Variants in B3GALNT2 observed in about 807,000 individuals in gnomAD.
The protein encoded by B3GALNT2 is UDP-GalNAc:beta-1,3-N-acetylgalactosaminyltransferase 2.
B3GALNT2 carries 53 observed loss-of-function variants against 61.1 expected under a neutral mutation model. The ratio of observed to expected loss-of-function variants is 0.87; its 90% CI spans 0.70 to 1.09. B3GALNT2 has a LOEUF of 1.09. Ranked by LOEUF, B3GALNT2 falls within the 50% of genes least tolerant of loss-of-function variation. B3GALNT2 has a pLI of 0.00. For synonymous variants in B3GALNT2, 223 were observed against 237.4 expected, an observed-to-expected ratio of 0.94 and a Z score of 0.56; for missense variants, 544 against 623.0, an observed-to-expected ratio of 0.87 and a Z score of 1.35.
chr1:235,454,430 G>T, intron 9 of B3GALNT2, 115 bp from the exon 10 acceptor site: 2 of 1,075,072 alleles, frequency 1.9e-6, no homozygotes, highest in Non-Finnish European at 2.6e-6. Context: ...AGTGAGGAAA[G>T]AAAATAAGAA....
chr1:235,453,256 GTTA>G (rs1572481023), intron 10 of B3GALNT2, 110 bp from the exon 11 acceptor site: 2 of 1,107,570 alleles, frequency 1.8e-6, no homozygotes, highest in Middle Eastern at 2.1e-4. Context: ...TTTTTGCTCT[GTTA>G]TTATTCTAAT....
At chr1:235,498,920 C>G (rs1033535894) in intron 1 of B3GALNT2, among the ~76,000 whole-genome samples, 4 of 145,098 alleles carry the variant, frequency 2.8e-5, no homozygotes, top group Admixed American at 7.2e-5. Flanking sequence ...TTGGTACAGT[C>G]TTCTGCAGGG....
chr1:235,439,974 GTA>G, the B3GALNT2 span, among the ~76,000 whole-genome samples: 2 of 149,238 alleles, frequency 1.3e-5, no homozygotes, highest in African/African-American at 2.5e-5. Context: ...GCTAATTTTT[GTA>G]TATTTATTTT....
In B3GALNT2 at chr1:235,484,473, G is replaced by T; in HGVS notation, c.404C>A (p.Thr135Asn). The change falls in exon 4 of 12, where the codon ACT becomes AAT. Residue 135 changes from threonine (T) to asparagine (N), a missense_variant. Transcript: ENST00000366600. ...EIEAFSLSED[T>N]SSGLPEDRVV... ...TCGATCCTCAGGCAGCCCCGATGAA[G>T]TGTCTTCGGACAGACTGAACGCTTC... 6.2e-7 allele frequency: 1 copy of T among 1,614,168 alleles called. No individual in the cohort carries two copies. Among genetic ancestry groups the T allele is most frequent in the Non-Finnish European group, 8.5e-7 (1 of 1,180,026 alleles).
rs1383483872 is a variant in B3GALNT2 at position 235,453,103 on chromosome 1, G to A, written c.1355C>T (p.Pro452Leu). ...CCAAAGACTTACCTGGTATCTTTTA[G>A]GTCCTATGGCAGCCATCCAGATGCC... ...SMGIWMAAIG[P>L]KRYQDSLWLC... Residue 452 changes from proline (P) to leucine (L), a missense_variant, in exon 11 of 12, where the codon CCT (proline) becomes CTT (leucine). Coordinates refer to ENST00000366600, the MANE Select transcript of B3GALNT2 (RefSeq NM_152490.5). 1 of 1,612,242 alleles carries A rather than the reference G, an allele frequency of 6.2e-7. No individual in the cohort carries two copies. The highest frequency in any genetic ancestry group is 8.5e-7 in the Non-Finnish European group (1 of 1,178,470).
At chr1:235,440,403 T>G in the B3GALNT2 span, among the ~76,000 whole-genome samples, 1 of 151,656 alleles carries the variant, frequency 6.6e-6, no homozygotes, top group Non-Finnish European at 1.5e-5. Context: ...TATATATATA[T>G]TTTTTTGAGA....
At chr1:235,472,278 C>T (rs1684041336) in intron 5 of B3GALNT2, among the ~76,000 whole-genome samples, 1 of 152,140 alleles carries the variant, frequency 6.6e-6, no homozygotes, top group Admixed American at 6.6e-5. Flanking sequence ...AAATTCTGAG[C>T]TGAGAGAGCT....
chr1:235,474,016 T>C (rs1456505507), intron 5 of B3GALNT2, among the ~76,000 whole-genome samples: 1 of 152,150 alleles, frequency 6.6e-6, no homozygotes, highest in African/African-American at 2.4e-5. Context: ...AATTCCCTAG[T>C]CCTCCCAAAT....
intron 2 of B3GALNT2, among the ~76,000 whole-genome samples, chr1:235,490,721 T>TA (rs1685022119): frequency 6.6e-6 from 1 of 151,868 alleles, no homozygotes; most frequent in Admixed American, 6.6e-5. Flanking sequence ...TTAAATTATA[T>TA]AATCTTATAA....
chr1:235,454,976 C>CT (rs1553342902), intron 9 of B3GALNT2, among the ~76,000 whole-genome samples: 1 of 152,122 alleles, frequency 6.6e-6, no homozygotes, highest in African/African-American at 2.4e-5. Flanking sequence ...CAAACGTACT[C>CT]TAACAAAATA....
chr1:235,465,440 G>A lies in B3GALNT2; in HGVS notation c.841+196C>T, dbSNP rs1252638806. 7 of 805,324 alleles carry A rather than the reference G, an allele frequency of 8.7e-6. No homozygotes were observed. The East Asian group carries it at 1.8e-4, about 20-fold the overall frequency. 49.9% of individuals were successfully genotyped at this position (805,324 alleles called of 1,614,324 possible). On this transcript the variant is annotated intron_variant, in intron 7 of 11. Coordinates refer to ENST00000366600, the MANE Select transcript of B3GALNT2 (RefSeq NM_152490.5). ...TGAGGAGTAACTGCTAATGGGTGTGGGGTTTCCTTTTGGGAGGTGGAGCCG... is the reference window on the plus strand; with the variant it reads ...TGAGGAGTAACTGCTAATGGGTGTGAGGTTTCCTTTTGGGAGGTGGAGCCG...
Position 235,494,819 on chromosome 1 carries a change from G to A in B3GALNT2, c.122C>T (p.Ala41Val). 6.2e-7 allele frequency: 1 copy of A among 1,605,940 alleles called. No individual in the cohort carries two copies. The highest frequency in any genetic ancestry group is 8.5e-7 in the Non-Finnish European group (1 of 1,173,780). Residue 41 changes from alanine to valine, a missense_variant, in exon 2 of 12, where the codon GCC (alanine) becomes GTC (valine). Coordinates refer to ENST00000366600, the MANE Select transcript of B3GALNT2 (RefSeq NM_152490.5). Reference sequence around the variant, plus strand: ...AGTAGATTTCCACTGAGGAAATAAGGCCAACTGATCTAGAAATAAGAACAA... The same window carrying A: ...AGTAGATTTCCACTGAGGAAATAAGACCAACTGATCTAGAAATAAGAACAA... Reference protein sequence around the residue: ...ASGAGPADQLALFPQWKSTHY... With the variant: ...ASGAGPADQLVLFPQWKSTHY...
At chr1:235,482,565 A>G (rs1455829297) in intron 4 of B3GALNT2, among the ~76,000 whole-genome samples, 2 of 152,068 alleles carry the variant, frequency 1.3e-5, no homozygotes, top group East Asian at 3.9e-4. Context: ...CAAGTGAGAC[A>G]ATGTTTAGTC....
chr1:235,466,974 G>C (rs1025580341), intron 6 of B3GALNT2, among the ~76,000 whole-genome samples: 59 of 152,254 alleles, frequency 3.9e-4, no homozygotes, highest in African/African-American at 1.4e-3. Context: ...TCTTTTCAGA[G>C]TTGTACTGTA....
At chr1:235,484,561 T>C in intron 3 of B3GALNT2, 46 bp from the exon 4 acceptor site, 2 of 1,548,630 alleles carry the variant, frequency 1.3e-6, no homozygotes, top group Non-Finnish European at 1.7e-6. Context: ...ATGTAATCCT[T>C]TGTTTTACTA....
intron 5 of B3GALNT2, among the ~76,000 whole-genome samples, chr1:235,474,971 A>ATTTTTTTTTTTTTTTTTTTT (rs1558425250): frequency 6.6e-5 from 2 of 30,120 alleles, no homozygotes; most frequent in African/African-American, 2.0e-4. Context: ...ATATATATAT[A>ATTTTTTTTTTTTTTTTTTTT]TATATATATA....
In B3GALNT2 at chr1:235,448,787, C is replaced by A. The variant is rs749417404; in HGVS notation, c.*1419G>T. 19 of 1,486,500 alleles carry A rather than the reference C, an allele frequency of 1.3e-5. No individual in the cohort carries two copies. The South Asian group carries it at 2.0e-4, about 16-fold the overall frequency. The allele number at this position is 1,486,500 out of a possible 1,614,324, so 92.1% of individuals were successfully genotyped here. On this transcript the variant is annotated 3_prime_UTR_variant, in exon 12 of 12. Transcript: ENST00000366600. ...ACAACCAACTAATAAAATTTAAAGA[C>A]CACACTGCTTATCGTGTCTGGGGTT...
chr1:235,447,981 C>T lies in B3GALNT2; in HGVS notation c.*2225G>A, dbSNP rs538861186. 3.1e-4 allele frequency among the ~76,000 whole-genome samples: 47 copies of T among 152,066 alleles called. No homozygotes were observed. Among genetic ancestry groups the T allele is most frequent in the Admixed American group, 1.8e-3 (28 of 15,262 alleles). On this transcript the variant is annotated 3_prime_UTR_variant, in exon 12 of 12. Coordinates refer to ENST00000366600, the MANE Select transcript of B3GALNT2 (RefSeq NM_152490.5). ...ATCCCAGCACTTTGGGGGGCCAGGG[C>T]GGGCGGATCACGAGGTCAGGAGTTC...
At chr1:235,442,393 C>T (rs550587937), downstream of B3GALNT2, among the ~76,000 whole-genome samples, 2 of 152,334 alleles carry the variant, frequency 1.3e-5, no homozygotes, top group African/African-American at 2.4e-5. Context: ...TGGTCTCAAA[C>T]TCCTGACCTC....
Sources: gnomAD v4.1 joint callset for allele counts (sites outside exome capture counted in the v4.1 genomes callset) on GRCh38, gnomAD v4.1.1 for gene constraint, MANE v1.5 for transcripts, NCBI Gene and HGNC (gene_info 2026-07-23, HGNC 2026-07-21) for gene names.